Variants in PIK3C3 observed in about 807,000 individuals in gnomAD.
PIK3C3 encodes PI3-kinase type 3.
PIK3C3 carries 95 observed loss-of-function variants against 126.1 expected under a neutral mutation model. That is an observed-to-expected ratio of 0.75 (90% CI 0.64 to 0.89). The LOEUF is 0.89. Ranked by LOEUF, PIK3C3 falls within the 40% of genes least tolerant of loss-of-function variation. The probability of loss-of-function intolerance (pLI) is 0.00; values close to 1 mark genes in which losing one functional copy is unlikely to be tolerated. For synonymous variants in PIK3C3, 374 were observed against 360.0 expected (o/e 1.04, Z -0.44); for missense variants, 829 against 1,063.2 (o/e 0.78, Z 3.06).
At chr18:42,066,080 G>A (rs1985525196) in intron 23 of PIK3C3, among the ~76,000 whole-genome samples, 1 of 152,076 alleles carries the variant, frequency 6.6e-6, no homozygotes, top group Non-Finnish European at 1.5e-5. Context: ...TAGAAGTTAA[G>A]GAAATCAAAA....
At position 42,082,790 on chromosome 18, in the gene PIK3C3, C is replaced by A. The variant is rs920130891; in HGVS notation, c.*1653C>A. On this transcript the variant is annotated 3_prime_UTR_variant, in exon 25 of 25. Coordinates refer to ENST00000262039, the MANE Select transcript of PIK3C3 (RefSeq NM_002647.4). Reference sequence around the variant, plus strand: ...CTTCAGCTTTGGGGGGCATATGATCCCAATAGCATCAACTTAACTCTGCTA... The same window carrying A: ...CTTCAGCTTTGGGGGGCATATGATCACAATAGCATCAACTTAACTCTGCTA... 6.6e-6 allele frequency: 1 copy of A among 152,072 alleles called. No individual in the cohort carries two copies. The highest frequency in any genetic ancestry group is 1.5e-5 in the Non-Finnish European group (1 of 68,018). The allele number at this position is 152,072 out of a possible 1,614,324, so 9.4% of individuals were successfully genotyped here.
Position 42,015,455 on chromosome 18 carries a change from T to A in PIK3C3, c.1326-21T>A, listed in dbSNP as rs762198383. On this transcript the variant is annotated intron_variant, in intron 11 of 24. Transcript: ENST00000262039. ...GACAGAGTATTTTACATCTCAGTGA[T>A]CTCTTTTATTACTTTTTCAGCTCCC... 3.2e-6 allele frequency: 5 copies of A among 1,567,660 alleles called. No homozygotes were observed. The East Asian group carries it at 1.1e-4, about 35-fold the overall frequency.
rs1740469016 is a variant in PIK3C3 at position 42,081,331 on chromosome 18, G to T, written c.*194G>T. ...TCATTGCTTAAATATAGTCTTGAAGGGCTTGTTTTGAAATATTGTATATAT... is the reference window on the plus strand; with the variant it reads ...TCATTGCTTAAATATAGTCTTGAAGTGCTTGTTTTGAAATATTGTATATAT... On this transcript the variant is annotated 3_prime_UTR_variant, in exon 25 of 25. Transcript: ENST00000262039. The T allele has an allele frequency of 2.3e-6, 1 of 436,200 alleles. No homozygotes were observed. The allele number at this position is 436,200 out of a possible 1,614,324, so 27.0% of individuals were successfully genotyped here. A position where few individuals can be genotyped will look rare whatever the true frequency, so the allele number is the denominator to read the frequency against.
chr18:42,048,650 G>A (rs980125314), intron 20 of PIK3C3, among the ~76,000 whole-genome samples: 5 of 152,126 alleles, frequency 3.3e-5, no homozygotes, highest in African/African-American at 1.2e-4. Flanking sequence ...TTATGCCATT[G>A]CTTAAGTTGC....
In PIK3C3 at chr18:42,018,019, A is replaced by G. The variant is rs538263611; in HGVS notation, c.1416+2453A>G. ...TATAAATTACATATTCTTGCTTGTCATTGGCTAAATCCTTCTCCCTCCACC... is the reference window on the plus strand; with the variant it reads ...TATAAATTACATATTCTTGCTTGTCGTTGGCTAAATCCTTCTCCCTCCACC... On this transcript the variant is annotated intron_variant, in intron 12 of 24. Transcript: ENST00000262039. Among the ~76,000 whole-genome samples the G allele has an allele frequency of 4.0e-5, 6 of 151,712 alleles. No homozygotes were observed. In the South Asian group the frequency reaches 6.2e-4, roughly 16 times the overall value.
chr18:42,057,353 T>A (rs1236320435), intron 21 of PIK3C3, among the ~76,000 whole-genome samples: 1 of 152,128 alleles, frequency 6.6e-6, no homozygotes, highest in Non-Finnish European at 1.5e-5. Flanking sequence ...AGGATTAAAG[T>A]GATAGGTGAT....
intron 20 of PIK3C3, among the ~76,000 whole-genome samples, chr18:42,047,243 T>C (rs1022350605): frequency 1.3e-5 from 2 of 152,186 alleles, no homozygotes; most frequent in Non-Finnish European, 2.9e-5. Context: ...GCTGCACTGA[T>C]GTACAGTGAT....
rs1980585125 is a variant in PIK3C3 at position 41,970,181 on chromosome 18, G to A, written c.402-146G>A. The stretch of plus-strand genomic sequence containing the variant: ...ATGGATTTTAGTTGCTTGGTTAATT[G>A]CTTTACATTCCATTGGGGGCTTAAA... On this transcript the variant is annotated intron_variant, in intron 3 of 24. Transcript: ENST00000262039. 7.5e-6 allele frequency: 5 copies of A among 667,154 alleles called. No homozygotes were observed. The South Asian group carries it at 9.6e-5, about 13-fold the overall frequency. 41.3% of individuals were successfully genotyped at this position (667,154 alleles called of 1,614,324 possible).
chr18:42,078,144 G>A lies in PIK3C3; in HGVS notation c.2650-2979G>A, dbSNP rs144036545. The stretch of plus-strand genomic sequence containing the variant: ...TGTAATCCCAGCACTTTGGGAGGCC[G>A]AGGCGGGTGGATCATGAGGTCAGGA... On this transcript the variant is annotated intron_variant, in intron 24 of 24. Transcript: ENST00000262039. 9.7e-3 allele frequency among the ~76,000 whole-genome samples: 1,478 copies of A among 152,018 alleles called. 16 individuals carry two copies. Among genetic ancestry groups the A allele is most frequent in the African/African-American group, 0.034 (1,403 of 41,476 alleles).
At chr18:42,067,651 A>G in intron 24 of PIK3C3, 138 bp downstream of exon 24, 1 of 850,092 alleles carries the variant, frequency 1.2e-6, no homozygotes, top group South Asian at 1.8e-5. Context: ...CTCACCAGCC[A>G]GCTGAAGTGA....
At chr18:41,993,601 C>G (rs898696575) in intron 7 of PIK3C3, among the ~76,000 whole-genome samples, 5 of 151,722 alleles carry the variant, frequency 3.3e-5, no homozygotes, top group Admixed American at 1.3e-4. Flanking sequence ...AGGCAGTATA[C>G]TCTTTTTTTT....
At chr18:41,996,823 G>T (rs1982048556) in intron 9 of PIK3C3, 93 bp downstream of exon 9, 1 of 700,516 alleles carries the variant, frequency 1.4e-6, no homozygotes, top group Non-Finnish European at 2.4e-6. Flanking sequence ...AATTGTTATT[G>T]TCACTTTAAA....
At chr18:41,980,117 A>G (rs1981124808) in intron 4 of PIK3C3, among the ~76,000 whole-genome samples, 1 of 152,060 alleles carries the variant, frequency 6.6e-6, no homozygotes, top group Non-Finnish European at 1.5e-5. Context: ...TTTTCCCCTT[A>G]TTATTGTTAC....
At chr18:41,973,440 GTTAA>G (rs925011773) in intron 4 of PIK3C3, among the ~76,000 whole-genome samples, 19 of 151,900 alleles carry the variant, frequency 1.3e-4, no homozygotes, top group African/African-American at 3.9e-4. Flanking sequence ...TTACTCTTTA[GTTAA>G]TTAATTAATT....
intron 12 of PIK3C3, among the ~76,000 whole-genome samples, chr18:42,017,892 T>C (rs572386736): frequency 2.0e-5 from 3 of 152,010 alleles, no homozygotes; most frequent in Non-Finnish European, 4.4e-5. Context: ...CACTCTGTTT[T>C]ATAACTGGAA....
chr18:42,046,960 T>A (rs1414535738), intron 20 of PIK3C3, among the ~76,000 whole-genome samples: 1 of 152,176 alleles, frequency 6.6e-6, no homozygotes, highest in Non-Finnish European at 1.5e-5. Context: ...AGACCCTTAC[T>A]TATTTTTGCA....
intron 4 of PIK3C3, among the ~76,000 whole-genome samples, chr18:41,984,375 G>T (rs1981361669): frequency 6.6e-6 from 1 of 152,082 alleles, no homozygotes; most frequent in South Asian, 2.1e-4. Flanking sequence ...ACCCATAAGA[G>T]ATGAAGTGAC....
intron 12 of PIK3C3, among the ~76,000 whole-genome samples, chr18:42,017,144 C>CT (rs1445723592): frequency 6.6e-6 from 1 of 152,032 alleles, no homozygotes; most frequent in African/African-American, 2.4e-5. Flanking sequence ...ATCCCTTCCC[C>CT]TATTCCCATA....
chr18:41,987,553 A>G (rs763178639), intron 4 of PIK3C3, among the ~76,000 whole-genome samples: 46 of 152,100 alleles, frequency 3.0e-4, no homozygotes, highest in Non-Finnish European at 5.6e-4. Flanking sequence ...ACACGGAGAT[A>G]ATTTCAGGAA....
Sources: allele counts gnomAD v4.1 joint callset (sites outside exome capture counted in the v4.1 genomes callset), GRCh38; gene constraint gnomAD v4.1.1; transcripts MANE v1.5; gene names NCBI Gene and HGNC (gene_info 2026-07-23, HGNC 2026-07-21).